Variants in TRMT2B observed in about 807,000 individuals in gnomAD.
The protein encoded by TRMT2B is tRNA methyltransferase 2B, also known as tRNA (uracil-5-)-methyltransferase homolog B.
Under a neutral mutation model 39.7 loss-of-function variants are expected in TRMT2B, and 34 were observed. The observed-to-expected ratio is 0.86, with a 90% CI of 0.65 to 1.14. TRMT2B has a LOEUF of 1.14. TRMT2B is among the 50% of genes most tolerant of loss of function. TRMT2B has a pLI of 0.00. For synonymous variants in TRMT2B, 132 were observed against 137.3 expected, an observed-to-expected ratio of 0.96 and a Z score of 0.27; for missense variants, 318 against 377.2, an observed-to-expected ratio of 0.84 and a Z score of 1.30.
At chrX:101,035,424 C>T (rs763850126) in intron 7 of TRMT2B, among the ~76,000 whole-genome samples, 189 bp downstream of exon 7, 1 of 112,091 alleles carries the variant, frequency 8.9e-6, no homozygotes, top group African/African-American at 3.2e-5. Flanking sequence ...GTTCTCTCTT[C>T]CCCTCTCCAC....
chrX:101,010,740 G>C, intron 13 of TRMT2B, 33 bp from the exon 14 acceptor site: 3 of 1,190,691 alleles, frequency 2.5e-6, no homozygotes, highest in Non-Finnish European at 3.4e-6. Flanking sequence ...CAGTTCCCAG[G>C]AATAAAAGGA....
rs369360177 is a variant in TRMT2B at position 101,038,204 on chromosome X, T to C, written c.304-153A>G. On this transcript the variant is annotated intron_variant, in intron 4 of 13. Coordinates refer to ENST00000372936, the MANE Select transcript of TRMT2B (RefSeq NM_024917.6). ...CCAACATGAAGAAATCCTGTCTCTA[T>C]TGAAAATACAAAAATTAGAGGGGCG... Among the ~76,000 whole-genome samples the C allele has an allele frequency of 5.4e-4, 58 of 107,904 alleles. No homozygotes were observed. The highest frequency in any genetic ancestry group is 8.2e-4 in the Non-Finnish European group (43 of 52,208). 93.7% of individuals were successfully genotyped at this position (107,904 alleles called of 115,157 possible). A position where few individuals can be genotyped will look rare whatever the true frequency, so the allele number is the denominator to read the frequency against.
At chrX:101,005,901 A>G (rs1165659425), downstream of TRMT2B, among the ~76,000 whole-genome samples, 2 of 100,751 alleles carry the variant, frequency 2.0e-5, no homozygotes, top group Non-Finnish European at 4.0e-5. Context: ...AAAAAAAAAA[A>G]AAAGAAAGAG....
At chrX:101,035,183 GAAAGAAAGA>G (rs1210450921) in intron 7 of TRMT2B, among the ~76,000 whole-genome samples, 1 of 110,794 alleles carries the variant, frequency 9.0e-6, no homozygotes, top group Non-Finnish European at 1.9e-5. Flanking sequence ...CCTCATCCAA[GAAAGAAAGA>G]AAAGAAAGAA....
At chrX:101,022,620 CA>C (rs35651870) in intron 8 of TRMT2B, among the ~76,000 whole-genome samples, 4,868 of 63,027 alleles carry the variant, frequency 0.077, 361 homozygotes, top group African/African-American at 0.24. Flanking sequence ...GACTCTGTCT[CA>C]AAAAAAAAAA....
rs2086199037 is a variant in TRMT2B, at chrX:101,010,387, G to A, written c.*194C>T. 1.1e-5 allele frequency: 5 copies of A among 452,530 alleles called. No homozygotes were observed. Among genetic ancestry groups the A allele is most frequent in the Non-Finnish European group, 1.9e-5 (5 of 264,261 alleles). 37.3% of individuals were successfully genotyped at this position (452,530 alleles called of 1,213,427 possible). A position where few individuals can be genotyped will look rare whatever the true frequency, so the allele number is the denominator to read the frequency against. On this transcript the variant is annotated 3_prime_UTR_variant, in exon 14 of 14. Transcript: ENST00000372936. ...AGATCACGCCACGACACTCCAGCCT[G>A]GGCAAGAGTGAGACTCTATCTCAAA...
chrX:100,973,497 G>GGGC, the TRMT2B span, among the ~76,000 whole-genome samples: 2 of 110,799 alleles, frequency 1.8e-5, no homozygotes, highest in African/African-American at 3.3e-5. Context: ...CCCGGCGGTC[G>GGGC]GGCGGCGGCG....
the TRMT2B span, among the ~76,000 whole-genome samples, chrX:100,991,628 C>T: frequency 8.9e-6 from 1 of 111,961 alleles, no homozygotes; most frequent in Non-Finnish European, 1.9e-5. Flanking sequence ...CCCGCCTCGG[C>T]CTCCCAAAGT....
the TRMT2B span, among the ~76,000 whole-genome samples, chrX:100,989,608 C>CA: frequency 4.7e-3 from 268 of 57,203 alleles, 2 homozygotes; most frequent in Middle Eastern, 0.013. Context: ...GACTCCATCT[C>CA]AAAAAAAAAA....
chrX:100,985,975 G>T, the TRMT2B span: 29 of 1,140,213 alleles, frequency 2.5e-5, no homozygotes, highest in Non-Finnish European at 3.3e-5. Flanking sequence ...TAAAAGTATA[G>T]AAATGAAGGG....
At chrX:101,020,024 A>G (rs1752364085) in intron 11 of TRMT2B, among the ~76,000 whole-genome samples, 1 of 110,816 alleles carries the variant, frequency 9.0e-6, no homozygotes, top group Non-Finnish European at 1.9e-5. Context: ...TATATCAGAC[A>G]TTTTCACCAA....
rs1459361557 is a variant in TRMT2B, at chrX:101,037,961, T to G, written c.394A>C (p.Lys132Gln). 2 of 1,210,628 alleles carry G rather than the reference T, an allele frequency of 1.7e-6. No individual in the cohort carries two copies. The highest frequency in any genetic ancestry group is 5.9e-5 in the East Asian group (2 of 33,815). ...NGVSVTTAVPKSERLSCLLHP... is the reference protein window; with the variant it reads ...NGVSVTTAVPQSERLSCLLHP... ...AGAAGACAAGAGAGCCTCTCAGATT[T>G]GGGTACAGCCGTTGTCACACTGACT... Residue 132 changes from lysine (K) to glutamine (Q), a missense_variant, in exon 5 of 14, where the codon AAA (lysine) becomes CAA (glutamine). Transcript: ENST00000372936.
the TRMT2B span, among the ~76,000 whole-genome samples, chrX:100,975,889 C>T: frequency 2.7e-5 from 3 of 110,864 alleles, no homozygotes; most frequent in African/African-American, 9.9e-5. Flanking sequence ...CTGCCTCAGC[C>T]TCCCAAAGTG....
rs199656112 is a variant in TRMT2B, at chrX:101,041,304, G to T, written c.303+13C>A. ...CTGGAAAGGAGGGGTAAAGACTTAG[G>T]CTGGGCACCTACCTTGAGCTGTTCT... On this transcript the variant is annotated intron_variant, in intron 4 of 13. Coordinates refer to ENST00000372936, the MANE Select transcript of TRMT2B (RefSeq NM_024917.6). 3.6e-5 allele frequency: 43 copies of T among 1,205,735 alleles called. No homozygotes were observed. The African/African-American group carries it at 6.3e-4, about 18-fold the overall frequency.
chrX:100,993,486 CAT>C, the TRMT2B span, among the ~76,000 whole-genome samples: 772 of 111,815 alleles, frequency 6.9e-3, 5 homozygotes, highest in African/African-American at 0.023. Context: ...CATTTTATAA[CAT>C]GTGTGTTTAT....
intron 3 of TRMT2B, 43 bp from the exon 4 acceptor site, chrX:101,041,414 T>C (rs2088231600): frequency 1.8e-6 from 2 of 1,096,440 alleles, no homozygotes; most frequent in South Asian, 3.9e-5. Flanking sequence ...TATATAAATA[T>C]GTACTGAGTG....
intron 4 of TRMT2B, among the ~76,000 whole-genome samples, chrX:101,038,617 C>T (rs955811691): frequency 7.2e-5 from 8 of 111,776 alleles, no homozygotes; most frequent in African/African-American, 2.6e-4. Context: ...AGGTATATGT[C>T]AGTTCTGCCC....
the TRMT2B span, among the ~76,000 whole-genome samples, chrX:100,998,538 G>A: frequency 1.3e-5 from 1 of 76,327 alleles, no homozygotes; most frequent in Non-Finnish European, 2.4e-5. Flanking sequence ...CTGGGCGACA[G>A]AGCGAGATTC....
the TRMT2B span, among the ~76,000 whole-genome samples, chrX:100,982,649 CTTTT>C: frequency 1.2e-5 from 1 of 84,499 alleles, no homozygotes. Context: ...CTACAGTTTT[CTTTT>C]TTTTTTTTTT....
Sources: allele counts gnomAD v4.1 joint callset (sites outside exome capture counted in the v4.1 genomes callset), GRCh38; gene constraint gnomAD v4.1.1; transcripts MANE v1.5; gene names NCBI Gene and HGNC (gene_info 2026-07-23, HGNC 2026-07-21).